Variants in PGCKA1 observed in about 807,000 individuals in gnomAD.
PGCKA1 encodes PDCD10 and GCKIII kinases-associated protein 1.
At chr4:37,540,620 CAACA>C in the PGCKA1 span, among the ~76,000 whole-genome samples, 2 of 152,174 alleles carry the variant, frequency 1.3e-5, no homozygotes, top group Non-Finnish European at 2.9e-5. Context: ...TAACCTCTGA[CAACA>C]AAGAGCCCCT....
At chr4:37,553,979 T>C in the PGCKA1 span, among the ~76,000 whole-genome samples, 1 of 152,196 alleles carries the variant, frequency 6.6e-6, no homozygotes, top group African/African-American at 2.4e-5. Context: ...TACAGTGATA[T>C]AGTTTGGCTG....
the PGCKA1 span, among the ~76,000 whole-genome samples, chr4:37,480,313 T>C: frequency 6.6e-6 from 1 of 152,132 alleles, no homozygotes; most frequent in Non-Finnish European, 1.5e-5. Context: ...ACCAACATAG[T>C]GAAACCTCGT....
the PGCKA1 span, among the ~76,000 whole-genome samples, chr4:37,559,602 A>C: frequency 6.6e-6 from 1 of 151,022 alleles, no homozygotes; most frequent in Non-Finnish European, 1.5e-5. Context: ...AATAATAATA[A>C]GATAAAATAA....
the PGCKA1 span, among the ~76,000 whole-genome samples, chr4:37,548,742 A>C: frequency 7.9e-5 from 12 of 152,362 alleles, no homozygotes; most frequent in Admixed American, 2.0e-4. Flanking sequence ...TGGTCTAAAA[A>C]CTAATAAAAA....
the PGCKA1 span, among the ~76,000 whole-genome samples, chr4:37,565,873 A>G: frequency 7.2e-5 from 11 of 152,294 alleles, no homozygotes; most frequent in African/African-American, 2.6e-4. Flanking sequence ...TAATCTGGGT[A>G]GGCACCATTT....
the PGCKA1 span, among the ~76,000 whole-genome samples, chr4:37,496,866 A>G: frequency 6.6e-6 from 1 of 152,050 alleles, no homozygotes; most frequent in Non-Finnish European, 1.5e-5. Flanking sequence ...GCCGTTGTGA[A>G]TGGGAGTTCA....
the PGCKA1 span, among the ~76,000 whole-genome samples, chr4:37,504,424 C>A: frequency 6.7e-6 from 1 of 149,104 alleles, no homozygotes; most frequent in Non-Finnish European, 1.5e-5. Flanking sequence ...CTTTTGTGGT[C>A]CCATATAAAT....
At chr4:37,545,145 C>T in the PGCKA1 span, among the ~76,000 whole-genome samples, 4 of 152,232 alleles carry the variant, frequency 2.6e-5, no homozygotes, top group South Asian at 2.1e-4. Flanking sequence ...CCTGAGCCAC[C>T]GCGCCTGGCC....
At chr4:37,478,117 A>AT in the PGCKA1 span, among the ~76,000 whole-genome samples, 1 of 144,726 alleles carries the variant, frequency 6.9e-6, no homozygotes, top group Admixed American at 7.0e-5. Context: ...AAATGTACTA[A>AT]TTTTTTTATT....
the PGCKA1 span, among the ~76,000 whole-genome samples, chr4:37,540,344 G>T: frequency 6.6e-6 from 1 of 152,198 alleles, no homozygotes; most frequent in South Asian, 2.1e-4. Context: ...AGTGCAAAAA[G>T]AAAGTTTTTG....
At chr4:37,556,480 G>A in the PGCKA1 span, among the ~76,000 whole-genome samples, 1 of 152,064 alleles carries the variant, frequency 6.6e-6, no homozygotes, top group Non-Finnish European at 1.5e-5. Context: ...TGTTGGCCAG[G>A]CTGGTCTCGA....
chr4:37,517,701 C>T, the PGCKA1 span, among the ~76,000 whole-genome samples: 4 of 152,132 alleles, frequency 2.6e-5, no homozygotes, highest in African/African-American at 9.7e-5. Context: ...GAAATAAGCA[C>T]ATCATGGAGA....
the PGCKA1 span, among the ~76,000 whole-genome samples, chr4:37,479,426 C>T: frequency 6.6e-6 from 1 of 152,022 alleles, no homozygotes; most frequent in Non-Finnish European, 1.5e-5. Flanking sequence ...CCCAAACTTT[C>T]ATAAATTAAT....
chr4:37,506,019 T>C, the PGCKA1 span, among the ~76,000 whole-genome samples: 3 of 152,210 alleles, frequency 2.0e-5, no homozygotes, highest in African/African-American at 7.2e-5. Context: ...CTTAGTAGAG[T>C]GTATGAGTCT....
chr4:37,553,721 TTA>T, the PGCKA1 span, among the ~76,000 whole-genome samples: 1 of 152,224 alleles, frequency 6.6e-6, no homozygotes, highest in Non-Finnish European at 1.5e-5. Context: ...CGTTGTTGTG[TTA>T]TAATATTATG....
At chr4:37,491,211 AT>A in the PGCKA1 span, among the ~76,000 whole-genome samples, 10 of 151,908 alleles carry the variant, frequency 6.6e-5, no homozygotes, top group Admixed American at 4.6e-4. Context: ...GTTCCTCCTG[AT>A]TTTTTTACTT....
chr4:37,532,504 A>G, the PGCKA1 span, among the ~76,000 whole-genome samples: 1 of 146,944 alleles, frequency 6.8e-6, no homozygotes, highest in African/African-American at 2.4e-5. Context: ...TCTAAATGGA[A>G]TTTATTATTT....
At chr4:37,457,501 A>G in the PGCKA1 span, among the ~76,000 whole-genome samples, 3 of 152,224 alleles carry the variant, frequency 2.0e-5, no homozygotes, top group African/African-American at 7.2e-5. Context: ...TGTATTTTAA[A>G]TTTATTCACT....
the PGCKA1 span, chr4:37,589,985 C>A: frequency 1.2e-6 from 1 of 860,694 alleles, no homozygotes; most frequent in Non-Finnish European, 1.9e-6. Flanking sequence ...GAAAAGTAAT[C>A]ACAGAAATTA....
Sources: allele counts gnomAD v4.1 joint callset (sites outside exome capture counted in the v4.1 genomes callset), GRCh38; gene constraint gnomAD v4.1.1; transcripts MANE v1.5; gene names NCBI Gene and HGNC (gene_info 2026-07-23, HGNC 2026-07-21).